Variants in QTMAN observed in about 807,000 individuals in gnomAD.
QTMAN encodes tRNA-queuosine alpha-mannosyltransferase.
At chr2:144,285,588 T>G in the QTMAN span, among the ~76,000 whole-genome samples, 2 of 152,212 alleles carry the variant, frequency 1.3e-5, no homozygotes, top group African/African-American at 4.8e-5. Flanking sequence ...CATTTTTCAG[T>G]ACACCTAATG....
chr2:144,141,942 C>T, the QTMAN span: 293 of 1,611,488 alleles, frequency 1.8e-4, 1 homozygote, highest in Non-Finnish European at 2.4e-4. Flanking sequence ...TCTGATGATG[C>T]TTTCCAGATC....
chr2:144,256,136 A>C, the QTMAN span, among the ~76,000 whole-genome samples: 1 of 152,224 alleles, frequency 6.6e-6, no homozygotes, highest in South Asian at 2.1e-4. Flanking sequence ...AACAACAAAA[A>C]AAAATGCACC....
At chr2:144,243,049 A>T in the QTMAN span, among the ~76,000 whole-genome samples, 2 of 151,736 alleles carry the variant, frequency 1.3e-5, no homozygotes, top group East Asian at 1.9e-4. Flanking sequence ...GAGTAACCCC[A>T]GTTAATCCAC....
the QTMAN span, among the ~76,000 whole-genome samples, chr2:144,086,690 A>G: frequency 1.1e-3 from 169 of 152,308 alleles, no homozygotes; most frequent in African/African-American, 3.8e-3. Context: ...CAGCTGGATA[A>G]AATAGGATTT....
chr2:144,182,200 A>G, the QTMAN span, among the ~76,000 whole-genome samples: 1 of 152,248 alleles, frequency 6.6e-6, no homozygotes, highest in African/African-American at 2.4e-5. Flanking sequence ...ACTACATGGT[A>G]CATTCAACAT....
At chr2:143,956,363 A>C in the QTMAN span, among the ~76,000 whole-genome samples, 1 of 152,192 alleles carries the variant, frequency 6.6e-6, no homozygotes, top group Non-Finnish European at 1.5e-5. Context: ...TTAAAGTCAG[A>C]AGACAAAGAC....
At chr2:144,015,331 C>T in the QTMAN span, among the ~76,000 whole-genome samples, 5 of 152,314 alleles carry the variant, frequency 3.3e-5, no homozygotes, top group Admixed American at 3.3e-4. Context: ...CTAGGCTAAA[C>T]TGAAAACAGG....
At chr2:144,007,088 G>T in the QTMAN span, 1 of 757,416 alleles carries the variant, frequency 1.3e-6, no homozygotes, top group Non-Finnish European at 2.1e-6. Flanking sequence ...TTTTTCTAAA[G>T]CAATAAGAAG....
At chr2:144,171,308 C>T in the QTMAN span, among the ~76,000 whole-genome samples, 6 of 152,114 alleles carry the variant, frequency 3.9e-5, no homozygotes, top group African/African-American at 1.2e-4. Context: ...TCTCCTGCTC[C>T]GAAATCCCAA....
the QTMAN span, among the ~76,000 whole-genome samples, chr2:144,050,626 A>G: frequency 5.3e-5 from 8 of 152,134 alleles, 1 homozygote; most frequent in Non-Finnish European, 1.2e-4. Flanking sequence ...TTCTAAATTC[A>G]TTTTTTCCTT....
At chr2:144,260,178 A>G in the QTMAN span, among the ~76,000 whole-genome samples, 1 of 152,252 alleles carries the variant, frequency 6.6e-6, no homozygotes, top group South Asian at 2.1e-4. Context: ...TTGTAAAAAA[A>G]TCACTTATTT....
At chr2:144,250,968 G>A in the QTMAN span, among the ~76,000 whole-genome samples, 1 of 151,762 alleles carries the variant, frequency 6.6e-6, no homozygotes, top group East Asian at 1.9e-4. Flanking sequence ...TGTCATTTAA[G>A]TTTTAAAAAT....
At chr2:144,133,203 A>T in the QTMAN span, among the ~76,000 whole-genome samples, 1 of 78,616 alleles carries the variant, frequency 1.3e-5, no homozygotes, top group Non-Finnish European at 2.1e-5. Flanking sequence ...ATATATATAT[A>T]TTTATATATA....
At chr2:144,019,845 T>G in the QTMAN span, among the ~76,000 whole-genome samples, 1 of 152,170 alleles carries the variant, frequency 6.6e-6, no homozygotes, top group South Asian at 2.1e-4. Flanking sequence ...TCTAGGAAAT[T>G]ATAAGAGCCT....
At chr2:144,266,418 T>A in the QTMAN span, among the ~76,000 whole-genome samples, 2 of 152,194 alleles carry the variant, frequency 1.3e-5, no homozygotes, top group African/African-American at 4.8e-5. Flanking sequence ...TTATTTAACT[T>A]CTGTAAGCCT....
At chr2:144,221,121 A>G in the QTMAN span, among the ~76,000 whole-genome samples, 4 of 152,328 alleles carry the variant, frequency 2.6e-5, no homozygotes, top group African/African-American at 7.2e-5. Flanking sequence ...GACTGTTCTC[A>G]TGTCTCCAAA....
the QTMAN span, among the ~76,000 whole-genome samples, chr2:144,217,877 G>A: frequency 2.6e-5 from 4 of 152,126 alleles, no homozygotes; most frequent in Admixed American, 2.6e-4. Context: ...CAAAGTCAAG[G>A]TTCTCTTGAC....
chr2:144,126,987 C>T, the QTMAN span, among the ~76,000 whole-genome samples: 2 of 151,954 alleles, frequency 1.3e-5, no homozygotes, highest in African/African-American at 4.8e-5. Context: ...CTGACAAATA[C>T]ATCTAAGACA....
At chr2:144,207,906 G>A in the QTMAN span, among the ~76,000 whole-genome samples, 1 of 151,820 alleles carries the variant, frequency 6.6e-6, no homozygotes, top group African/African-American at 2.4e-5. Context: ...TGCCCAGGCT[G>A]GAGTGCAGTG....
Sources: allele counts gnomAD v4.1 joint callset (sites outside exome capture counted in the v4.1 genomes callset), GRCh38; gene constraint gnomAD v4.1.1; transcripts MANE v1.5; gene names NCBI Gene and HGNC (gene_info 2026-07-23, HGNC 2026-07-21).